Variants in NFX1 observed in about 807,000 individuals in gnomAD.
The protein encoded by NFX1 is nuclear transcription factor, X-box binding 1.
A neutral mutation model predicts 137.2 loss-of-function variants in NFX1; 69 were observed. The ratio of observed to expected loss-of-function variants is 0.50; its 90% CI spans 0.41 to 0.61. NFX1 has a LOEUF of 0.61. Among genes scored for constraint, NFX1 ranks in the 20% least tolerant of loss-of-function variants. The pLI is 0.00. For missense variants in NFX1, 1,167 were observed against 1,391.0 expected (o/e 0.84, Z 2.56); for synonymous variants, 495 against 474.1 (o/e 1.04, Z -0.57).
In NFX1 at chr9:33,293,506, T is replaced by A. The variant is rs1368272469; in HGVS notation, c.26-914T>A. Among the ~76,000 whole-genome samples, 3 of 152,238 alleles carry A rather than the reference T, an allele frequency of 2.0e-5. No individual in the cohort carries two copies. In the East Asian group the frequency reaches 5.8e-4, roughly 29 times the overall value. ...AGAGGTTGTTACTATCTTCATTACA[T>A]GTAAGGAAAATGGGGCTAAGTAACT... is the stretch of plus-strand genomic sequence containing the variant. On this transcript the variant is annotated intron_variant, in intron 1 of 23. Transcript: ENST00000379540.
intron 15 of NFX1, among the ~76,000 whole-genome samples, chr9:33,348,894 AT>A (rs1823533825): frequency 6.6e-6 from 1 of 152,046 alleles, no homozygotes; most frequent in Non-Finnish European, 1.5e-5. Flanking sequence ...AAAAAAAGAT[AT>A]TGTTTTGTAA....
chr9:33,337,566 T>C (rs1823053313), intron 11 of NFX1, among the ~76,000 whole-genome samples: 2 of 152,152 alleles, frequency 1.3e-5, no homozygotes, highest in Non-Finnish European at 2.9e-5. Flanking sequence ...AAAATTGATA[T>C]TTTAATATGC....
Position 33,370,829 on chromosome 9 carries a change from GT to G in NFX1, c.*852del, listed in dbSNP as rs1824304262. 6.6e-6 allele frequency: 1 copy of G among 152,436 alleles called. No individual in the cohort carries two copies. The highest frequency in any genetic ancestry group is 2.4e-5 in the African/African-American group (1 of 41,450). The allele number at this position is 152,436 out of a possible 1,614,324, so 9.4% of individuals were successfully genotyped here. A position where few individuals can be genotyped will look rare whatever the true frequency, so the allele number is the denominator to read the frequency against. On this transcript the variant is annotated 3_prime_UTR_variant, in exon 24 of 24. Transcript: ENST00000379540. ...AGAGTCTCAAATGGACAACTGTCCT[GT>G]GTTGCTTTCCCTAGGCCTTCAGCAG... is the stretch of plus-strand genomic sequence containing the variant.
In NFX1 at chr9:33,364,626, C is replaced by T. The variant is rs569617476; in HGVS notation, c.2973-82C>T. 3.1e-5 allele frequency: 46 copies of T among 1,494,088 alleles called. No homozygotes were observed. In the Middle Eastern group the frequency reaches 6.9e-4, roughly 22 times the overall value. 92.6% of individuals were successfully genotyped at this position (1,494,088 alleles called of 1,614,324 possible). A position where few individuals can be genotyped will look rare whatever the true frequency, so the allele number is the denominator to read the frequency against. ...TACTGCCAGCATTGTCTATTGTCTA[C>T]GCTTTACAGGGAGAGGATGGGTGAA... On this transcript the variant is annotated intron_variant, in intron 20 of 23. Coordinates refer to ENST00000379540, the MANE Select transcript of NFX1 (RefSeq NM_002504.6).
chr9:33,309,730 C>T (rs530259359), intron 5 of NFX1, among the ~76,000 whole-genome samples: 2 of 152,164 alleles, frequency 1.3e-5, no homozygotes, highest in Non-Finnish European at 2.9e-5. Flanking sequence ...TGGGCTCAAG[C>T]GATCCTCCCA....
intron 5 of NFX1, among the ~76,000 whole-genome samples, chr9:33,309,915 T>C (rs10511908): frequency 0.057 from 8,632 of 152,296 alleles, 763 homozygotes; most frequent in African/African-American, 0.19. Context: ...TTCTGAGATA[T>C]TTGACATAAC....
chr9:33,369,947 C>T lies in NFX1; in HGVS notation c.3332C>T (p.Pro1111Leu), dbSNP rs867419024. ...SSNLQKITKE[P>L]IIDYFDVQD ...AATTTACAGAAAATAACCAAGGAGC[C>T]AATAATTGACTATTTTGACGTCCAG... The change falls in exon 24 of 24, where the codon CCA becomes CTA. Residue 1111 changes from proline to leucine, a missense_variant. Physicochemically the swap from Pro to Leu is moderately conservative, Grantham distance 98. Transcript: ENST00000379540. 2 of 1,613,350 alleles carry T rather than the reference C, an allele frequency of 1.2e-6. No homozygotes were observed. Among genetic ancestry groups the T allele is most frequent in the African/African-American group, 2.7e-5 (2 of 75,000 alleles).
intron 1 of NFX1, 118 bp from the exon 2 acceptor site, chr9:33,294,302 A>T: frequency 1.1e-6 from 1 of 925,404 alleles, no homozygotes; most frequent in Non-Finnish European, 1.6e-6. Context: ...GTTCTTACTT[A>T]ACAGCATGTT....
chr9:33,301,211 A>G lies in NFX1; in HGVS notation c.1034-52A>G, dbSNP rs1463776747. The G allele has an allele frequency of 1.5e-5, 22 of 1,515,450 alleles. No homozygotes were observed. The Admixed American group carries it at 3.0e-4, about 21-fold the overall frequency. The allele number at this position is 1,515,450 out of a possible 1,614,324, so 93.9% of individuals were successfully genotyped here. On this transcript the variant is annotated intron_variant, in intron 2 of 23. Transcript: ENST00000379540. ...GATCCTTGGTTGATTAAAGTGAGGA[A>G]TGGTTTTTTGTGTTTGAGTTAATCT... is the stretch of plus-strand genomic sequence containing the variant.
At chr9:33,304,430 T>C (rs1821681908) in intron 4 of NFX1, among the ~76,000 whole-genome samples, 2 of 152,222 alleles carry the variant, frequency 1.3e-5, no homozygotes, top group South Asian at 4.1e-4. Context: ...TGTTTCTGCA[T>C]GCTCTCCTTA....
intron 6 of NFX1, among the ~76,000 whole-genome samples, chr9:33,313,382 A>G (rs1051900070): frequency 9.2e-5 from 14 of 152,010 alleles, no homozygotes; most frequent in African/African-American, 4.8e-5. Context: ...TAAGCCTAGG[A>G]GTTTAAGATT....
At chr9:33,350,022 G>A (rs1157111420) in intron 15 of NFX1, among the ~76,000 whole-genome samples, 1 of 151,972 alleles carries the variant, frequency 6.6e-6, no homozygotes, top group Admixed American at 6.6e-5. Flanking sequence ...AAACAAAACA[G>A]GCCAGGCGTG....
chr9:33,349,804 C>G (rs1262372431), intron 15 of NFX1, among the ~76,000 whole-genome samples: 2 of 152,052 alleles, frequency 1.3e-5, no homozygotes, highest in African/African-American at 4.8e-5. Flanking sequence ...TTACAGAAAA[C>G]AGCCTCCTAG....
intron 19 of NFX1, among the ~76,000 whole-genome samples, chr9:33,355,879 A>G (rs1313220121): frequency 6.6e-6 from 1 of 152,110 alleles, no homozygotes; most frequent in Non-Finnish European, 1.5e-5. Flanking sequence ...TCCTGACCTC[A>G]GGTGATCCAC....
rs1463227440 is a variant in NFX1, at chr9:33,352,311, TGTGGAGTTGGC to T, written c.2656-334_2656-324del. ...GGATCAAGTGTGGCCACCTTGAGGA[TGTGGAGTTGGC>T]TTGGAGTTGGCTAGGCCACAGTTGG... On this transcript the variant is annotated intron_variant, in intron 16 of 23. Transcript: ENST00000379540. The T allele has an allele frequency of 1.4e-4, 64 of 454,310 alleles. 2 individuals carry two copies. In the East Asian group the frequency reaches 1.8e-3, roughly 13 times the overall value. The allele number at this position is 454,310 out of a possible 1,614,324, so 28.1% of individuals were successfully genotyped here.
At chr9:33,367,955 C>T (rs570635918) in intron 23 of NFX1, among the ~76,000 whole-genome samples, 59 of 152,248 alleles carry the variant, frequency 3.9e-4, no homozygotes, top group African/African-American at 1.3e-3. Flanking sequence ...TACTCTGGGC[C>T]GGGCGCGGTG....
rs1824282490 is a variant in NFX1, at chr9:33,370,037, A to G, written c.*59A>G. ...TAGGTATAGTGGAGACTTATTTGCCAGCAGATAAATCATGCCCGTTCCCCT... is the reference window on the plus strand; with the variant it reads ...TAGGTATAGTGGAGACTTATTTGCCGGCAGATAAATCATGCCCGTTCCCCT... On this transcript the variant is annotated 3_prime_UTR_variant, in exon 24 of 24. Coordinates refer to ENST00000379540, the MANE Select transcript of NFX1 (RefSeq NM_002504.6). The G allele has an allele frequency of 2.9e-6, 4 of 1,364,730 alleles. No individual in the cohort carries two copies. The highest frequency in any genetic ancestry group is 1.4e-5 in the African/African-American group (1 of 69,974). 84.5% of individuals were successfully genotyped at this position (1,364,730 alleles called of 1,614,324 possible).
chr9:33,304,789 G>C (rs760398081), intron 4 of NFX1, among the ~76,000 whole-genome samples: 2 of 152,202 alleles, frequency 1.3e-5, no homozygotes, highest in Non-Finnish European at 2.9e-5. Flanking sequence ...TATACTACCA[G>C]AAAGGCAGCA....
At chr9:33,303,761 C>T (rs1347219275) in intron 4 of NFX1, among the ~76,000 whole-genome samples, 2 of 152,198 alleles carry the variant, frequency 1.3e-5, no homozygotes, top group South Asian at 2.1e-4. Flanking sequence ...TATCTCAGTT[C>T]CCCCAAGTAT....
Sources: gnomAD v4.1 joint callset for allele counts (sites outside exome capture counted in the v4.1 genomes callset) on GRCh38, gnomAD v4.1.1 for gene constraint, MANE v1.5 for transcripts, NCBI Gene and HGNC (gene_info 2026-07-23, HGNC 2026-07-21) for gene names.